The following PRORP variants were observed in gnomAD, a reference collection of about 807,000 sequenced individuals.
PRORP encodes the protein protein only RNase P catalytic subunit, also known as mitochondrial ribonuclease P catalytic subunit.
Under a neutral mutation model 59.4 loss-of-function variants are expected in PRORP, and 51 were observed. The ratio of observed to expected loss-of-function variants is 0.86; its 90% CI spans 0.69 to 1.08. The LOEUF is 1.08. PRORP is among the 50% of genes least tolerant of loss of function. PRORP has a pLI of 0.00. For missense variants in PRORP, 646 were observed against 690.3 expected (o/e 0.94, Z 0.72); for synonymous variants, 231 against 245.6 (o/e 0.94, Z 0.55).
rs76895256 is a variant in PRORP, at chr14:35,265,780, G to A, written c.1276-947G>A. The stretch of plus-strand genomic sequence containing the variant: ...ATGATAAATATATAAAGGTTGAGCC[G>A]TTTGGGTCGAAACAAGGTTTGACAT... On this transcript the variant is annotated intron_variant, in intron 5 of 7. Coordinates refer to ENST00000534898, the MANE Select transcript of PRORP (RefSeq NM_014672.4). Among the ~76,000 whole-genome samples the A allele has an allele frequency of 8.5e-3, 1,287 of 152,128 alleles. 21 individuals are homozygous for A. Among genetic ancestry groups the A allele is most frequent in the South Asian group, 0.059 (283 of 4,816 alleles).
intron 5 of PRORP, among the ~76,000 whole-genome samples, chr14:35,187,178 G>C (rs910209978): frequency 6.6e-6 from 1 of 152,130 alleles, no homozygotes; most frequent in Admixed American, 6.6e-5. Flanking sequence ...ATATACCTAG[G>C]AGTAGAATTG....
intron 4 of PRORP, among the ~76,000 whole-genome samples, chr14:35,180,022 A>G (rs2048559753): frequency 2.0e-5 from 3 of 152,356 alleles, no homozygotes; most frequent in African/African-American, 2.4e-5. Flanking sequence ...TTGCCTGGGT[A>G]TCAGCAGCGG....
intron 5 of PRORP, among the ~76,000 whole-genome samples, chr14:35,216,142 A>ATTTATATATAATATATAATATATTTATC (rs2049587136): frequency 6.8e-6 from 1 of 147,932 alleles, no homozygotes; most frequent in Non-Finnish European, 1.5e-5. Context: ...ATATATTTAT[A>ATTTATATATAATATATAATATATTTATC]TAATACATTT....
chr14:35,233,626 C>T (rs990519474), intron 5 of PRORP, among the ~76,000 whole-genome samples: 7 of 137,242 alleles, frequency 5.1e-5, no homozygotes, highest in Admixed American at 1.8e-4. Flanking sequence ...CTAAAATTTG[C>T]TTGTTGCTTC....
At chr14:35,228,220 C>A (rs2049985792) in intron 5 of PRORP, among the ~76,000 whole-genome samples, 1 of 152,108 alleles carries the variant, frequency 6.6e-6, no homozygotes, top group African/African-American at 2.4e-5. Context: ...TAATAGCCAG[C>A]CATTGAGCAT....
intron 5 of PRORP, among the ~76,000 whole-genome samples, chr14:35,244,762 T>G (rs1302623148): frequency 6.6e-6 from 1 of 152,220 alleles, no homozygotes; most frequent in Non-Finnish European, 1.5e-5. Flanking sequence ...GTGTCCTGTT[T>G]AACCTCTTCT....
At position 35,141,826 on chromosome 14, in the gene PRORP, C is replaced by T. The variant is rs1296510639; in HGVS notation, c.1167+14215C>T. Among the ~76,000 whole-genome samples the T allele has an allele frequency of 4.8e-5, 7 of 144,548 alleles. 1 individual carries two copies. Among genetic ancestry groups the T allele is most frequent in the Non-Finnish European group, 9.2e-5 (6 of 65,140 alleles). 94.8% of individuals were successfully genotyped at this position (144,548 alleles called of 152,430 possible). On this transcript the variant is annotated intron_variant, in intron 4 of 7. Transcript: ENST00000534898. Reference sequence around the variant, plus strand: ...AGACCTCCTGGGCTCAAGTGATCCTCCCACCTCAGCCTCATGAGTAGCTGG... The same window carrying T: ...AGACCTCCTGGGCTCAAGTGATCCTTCCACCTCAGCCTCATGAGTAGCTGG...
At chr14:35,137,403 AAAAG>A (rs1315872464) in intron 4 of PRORP, among the ~76,000 whole-genome samples, 2 of 145,468 alleles carry the variant, frequency 1.4e-5, no homozygotes, top group Admixed American at 1.4e-4. Context: ...GAGGCTGTAG[AAAAG>A]AAAGTGAAGA....
Position 35,273,720 on chromosome 14 carries a change from T to TA in PRORP, c.*155dup. The TA allele has an allele frequency of 1.6e-6, 1 of 629,276 alleles. No individual in the cohort carries two copies. Among genetic ancestry groups the TA allele is most frequent in the Non-Finnish European group, 2.4e-6 (1 of 416,018 alleles). 39.0% of individuals were successfully genotyped at this position (629,276 alleles called of 1,614,324 possible). A position where few individuals can be genotyped will look rare whatever the true frequency, so the allele number is the denominator to read the frequency against. ...ACATTGATTTTTTAATGAAATGAGA[T>TA]ATATCTTTTCATAACCAGCTGCGTT... is the stretch of plus-strand genomic sequence containing the variant. On this transcript the variant is annotated 3_prime_UTR_variant, in exon 8 of 8. Transcript: ENST00000534898.
At chr14:35,162,113 C>A (rs539336187) in intron 4 of PRORP, among the ~76,000 whole-genome samples, 1 of 152,064 alleles carries the variant, frequency 6.6e-6, no homozygotes, top group African/African-American at 2.4e-5. Flanking sequence ...TTTAATTATT[C>A]ATTGAGTCTC....
intron 4 of PRORP, among the ~76,000 whole-genome samples, chr14:35,170,690 T>A (rs1204619802): frequency 6.6e-6 from 1 of 152,180 alleles, no homozygotes; most frequent in Non-Finnish European, 1.5e-5. Flanking sequence ...TTAAAGAAAT[T>A]GAAAGAATAA....
At chr14:35,223,264 G>A (rs944423719) in intron 5 of PRORP, among the ~76,000 whole-genome samples, 18 of 150,172 alleles carry the variant, frequency 1.2e-4, no homozygotes, top group Non-Finnish European at 1.8e-4. Context: ...TCTCCCCAAT[G>A]CTGGGAGAGG....
intron 4 of PRORP, among the ~76,000 whole-genome samples, chr14:35,149,553 A>G (rs2047693753): frequency 6.6e-6 from 1 of 151,560 alleles, no homozygotes; most frequent in Non-Finnish European, 1.5e-5. Context: ...ATTTTCTTAA[A>G]CCTCTTGAGC....
intron 4 of PRORP, among the ~76,000 whole-genome samples, chr14:35,141,100 A>G (rs1300918450): frequency 1.4e-5 from 2 of 145,946 alleles, no homozygotes; most frequent in Admixed American, 1.4e-4. Flanking sequence ...AATTCCAAAT[A>G]ATTTGCATCT....
intron 4 of PRORP, among the ~76,000 whole-genome samples, chr14:35,132,466 TAAA>T (rs1017653631): frequency 7.0e-6 from 1 of 143,754 alleles, no homozygotes; most frequent in African/African-American, 2.6e-5. Context: ...CTCAAAAAAA[TAAA>T]AAACAAGAAA....
At chr14:35,207,699 A>G (rs59193012) in intron 5 of PRORP, among the ~76,000 whole-genome samples, 1 of 152,168 alleles carries the variant, frequency 6.6e-6, no homozygotes, top group African/African-American at 2.4e-5. Flanking sequence ...TCTATCCCTC[A>G]ATTCATTCAT....
chr14:35,166,033 ATTC>A (rs1318148454), intron 4 of PRORP, among the ~76,000 whole-genome samples: 8 of 152,056 alleles, frequency 5.3e-5, no homozygotes, highest in South Asian at 4.2e-4. Flanking sequence ...TAAAAAAAAG[ATTC>A]TTCTTCTTTT....
intron 2 of PRORP, 62 bp from the exon 3 acceptor site, chr14:35,126,673 A>G (rs1158871935): frequency 1.6e-6 from 2 of 1,261,782 alleles, no homozygotes; most frequent in Middle Eastern, 1.9e-4. Context: ...AATACCATGA[A>G]TATCTTTCAT....
chr14:35,235,578 G>T, intron 5 of PRORP: 1 of 520,118 alleles, frequency 1.9e-6, no homozygotes, highest in Non-Finnish European at 3.6e-6. Context: ...AGGACAGGTG[G>T]TCTTTTAGTG....
Sources: allele counts gnomAD v4.1 joint callset (sites outside exome capture counted in the v4.1 genomes callset), GRCh38; gene constraint gnomAD v4.1.1; transcripts MANE v1.5; gene names NCBI Gene and HGNC (gene_info 2026-07-23, HGNC 2026-07-21).